Variants in LCA5L observed in about 807,000 individuals in gnomAD.
LCA5L encodes lebercilin LCA5 like.
In LCA5L, 35 loss-of-function variants were observed where a neutral mutation model predicts 45.4. The observed-to-expected ratio is 0.77, with a 90% CI of 0.59 to 1.02. The LOEUF is 1.02. Among genes scored for constraint, LCA5L ranks in the 50% least tolerant of loss-of-function variants. LCA5L has a pLI of 0.00. For synonymous variants in LCA5L, 233 were observed against 264.7 expected (o/e 0.88, Z 1.16); for missense variants, 668 against 761.6 (o/e 0.88, Z 1.45).
intron 2 of LCA5L, chr21:39,439,653 T>A (rs2076621481): frequency 6.6e-6 from 1 of 152,238 alleles, no homozygotes; most frequent in Non-Finnish European, 1.5e-5. Context: ...CTGGTGGGAT[T>A]GTTTGCTTTG....
chr21:39,406,359 G>C lies in LCA5L; in HGVS notation c.1536C>G (p.Pro512=), dbSNP rs142555845. The C allele has an allele frequency of 2.8e-4, 459 of 1,614,154 alleles. 5 individuals are homozygous for C. The African/African-American group carries it at 4.8e-3, about 17-fold the overall frequency. The change falls in exon 11 of 11, where the codon CCC becomes CCG. Residue 512 remains proline, a synonymous_variant. Transcript: ENST00000288350. ...TTTGTCTGAGGGGGCCTTTCGTGTA[G>C]GGAGCAGTGCCTTTGCCAAGTGTGT... The part of the protein sequence containing the change: ...VDDTLGKGTA[P]YTKGPLRQRR...
chr21:39,436,485 A>G (rs2076295463), intron 2 of LCA5L, among the ~76,000 whole-genome samples: 1 of 152,158 alleles, frequency 6.6e-6, no homozygotes, highest in South Asian at 2.1e-4. Context: ...GTAGGTAATT[A>G]CATACATATT....
intron 7 of LCA5L, among the ~76,000 whole-genome samples, chr21:39,413,685 T>C (rs2040502730): frequency 6.6e-6 from 1 of 152,212 alleles, no homozygotes; most frequent in Admixed American, 6.5e-5. Flanking sequence ...ATGCTGACAG[T>C]TCATCACCAT....
chr21:39,433,015 G>A (rs2075900570), intron 3 of LCA5L, among the ~76,000 whole-genome samples: 1 of 152,132 alleles, frequency 6.6e-6, no homozygotes, highest in Non-Finnish European at 1.5e-5. Flanking sequence ...TCAGATATAT[G>A]CTTTGCAAAC....
chr21:39,436,573 C>G (rs897344356), intron 2 of LCA5L, among the ~76,000 whole-genome samples: 1 of 152,176 alleles, frequency 6.6e-6, no homozygotes, highest in African/African-American at 2.4e-5. Flanking sequence ...TCTCGACCTC[C>G]TGGGCTCACG....
At chr21:39,433,054 C>G (rs1040587780) in intron 3 of LCA5L, among the ~76,000 whole-genome samples, 2 of 152,258 alleles carry the variant, frequency 1.3e-5, no homozygotes, top group Admixed American at 1.3e-4. Flanking sequence ...ATTTTTCATT[C>G]TCTTAAAAAT....
intron 6 of LCA5L, chr21:39,422,400 T>A (rs1671663189): frequency 6.6e-6 from 1 of 152,478 alleles, no homozygotes; most frequent in Non-Finnish European, 1.5e-5. Context: ...TTGAGGAAAA[T>A]CAATCCAGTC....
In LCA5L at chr21:39,423,059, T is replaced by C. The variant is rs140897767; in HGVS notation, c.754A>G (p.Lys252Glu). The C allele has an allele frequency of 6.2e-7, 1 of 1,614,038 alleles. No homozygotes were observed. The highest frequency in any genetic ancestry group is 1.3e-5 in the African/African-American group (1 of 74,954). Residue 252 changes from lysine (K) to glutamate (E), a missense_variant, in exon 6 of 11, where the codon AAA becomes GAA. Physicochemically the swap from Lys to Glu is moderately conservative, Grantham distance 56 (BLOSUM62 1). Coordinates refer to ENST00000288350, the MANE Select transcript of LCA5L (RefSeq NM_152505.4). ...AGTTCTTCCCTTTCTGCAAGGTTTT[T>C]GTCTTCAGAAAGTTTCTGCAGTGCC... Reference protein sequence around the residue: ...LQALQKLSEDKNLAEREELTH... With the variant: ...LQALQKLSEDENLAEREELTH...
At chr21:39,412,962 C>T (rs761690388) in intron 7 of LCA5L, among the ~76,000 whole-genome samples, 46 of 152,184 alleles carry the variant, frequency 3.0e-4, no homozygotes, top group Non-Finnish European at 4.9e-4. Context: ...GTTACAGATC[C>T]AGGTGCTCCC....
chr21:39,408,096 C>CT (rs1203398109), intron 10 of LCA5L, among the ~76,000 whole-genome samples: 1 of 152,262 alleles, frequency 6.6e-6, no homozygotes, highest in African/African-American at 2.4e-5. Flanking sequence ...CATGCATGTA[C>CT]TTTCCTCAGA....
intron 7 of LCA5L, among the ~76,000 whole-genome samples, chr21:39,418,025 C>T (rs1470274464): frequency 6.6e-6 from 1 of 152,194 alleles, no homozygotes; most frequent in Non-Finnish European, 1.5e-5. Flanking sequence ...CTTGGCCTCC[C>T]AAAGTGCTGG....
intron 5 of LCA5L, 94 bp from the exon 6 acceptor site, chr21:39,423,584 CA>C (rs2074105207): frequency 4.0e-6 from 4 of 989,426 alleles, no homozygotes. Flanking sequence ...CCCCCATGCA[CA>C]CACACCACAC....
At chr21:39,407,603 G>A (rs1228986811) in intron 10 of LCA5L, among the ~76,000 whole-genome samples, 3 of 152,170 alleles carry the variant, frequency 2.0e-5, no homozygotes, top group Non-Finnish European at 4.4e-5. Flanking sequence ...TGGAATTCCA[G>A]GCAGTTATTA....
In LCA5L at chr21:39,419,881, A is replaced by C. The variant is rs115329930; in HGVS notation, c.975+825T>G. On this transcript the variant is annotated intron_variant, in intron 7 of 10. Coordinates refer to ENST00000288350, the MANE Select transcript of LCA5L (RefSeq NM_152505.4). Reference sequence around the variant, plus strand: ...GCAGAAAGATAGCAAAAAGCCTGACAAAATATTTTAAAAATTCTTATTTTT... The same window carrying C: ...GCAGAAAGATAGCAAAAAGCCTGACCAAATATTTTAAAAATTCTTATTTTT... Among the ~76,000 whole-genome samples the C allele has an allele frequency of 4.2e-3, 643 of 152,352 alleles. 4 individuals are homozygous for C. The highest frequency in any genetic ancestry group is 0.015 in the African/African-American group (629 of 41,574).
At chr21:39,435,646 T>C (rs1190187500) in intron 2 of LCA5L, 73 bp from the exon 3 acceptor site, 1 of 152,224 alleles carries the variant, frequency 6.6e-6, no homozygotes, top group Non-Finnish European at 1.5e-5. Flanking sequence ...GAATAAGGTT[T>C]TGAAGCAGTT....
rs552214753 is a variant in LCA5L at position 39,424,296 on chromosome 21, G to A, written c.323-806C>T. On this transcript the variant is annotated intron_variant, in intron 5 of 10. Coordinates refer to ENST00000288350, the MANE Select transcript of LCA5L (RefSeq NM_152505.4). ...CCCAAAGTGCTGGGATTACAGGTGG[G>A]AGCCATTGTGCCCGGCCTCTACAAA... Among the ~76,000 whole-genome samples, 7 of 152,246 alleles carry A rather than the reference G, an allele frequency of 4.6e-5. No homozygotes were observed. The East Asian group carries it at 1.4e-3, about 29-fold the overall frequency.
chr21:39,419,829 T>C (rs1380246784), intron 7 of LCA5L, among the ~76,000 whole-genome samples: 2 of 152,214 alleles, frequency 1.3e-5, no homozygotes, highest in Non-Finnish European at 2.9e-5. Flanking sequence ...CTTATCTAAA[T>C]TGTTGGACAT....
rs144874024 is a variant in LCA5L at position 39,414,320 on chromosome 21, G to A, written c.976-2518C>T. 3 of 152,266 alleles carry A rather than the reference G, an allele frequency of 2.0e-5. No individual in the cohort carries two copies. The East Asian group carries it at 5.8e-4, about 29-fold the overall frequency. 9.4% of individuals were successfully genotyped at this position (152,266 alleles called of 1,614,324 possible). On this transcript the variant is annotated intron_variant, in intron 7 of 10. Coordinates refer to ENST00000288350, the MANE Select transcript of LCA5L (RefSeq NM_152505.4). Reference sequence around the variant, plus strand: ...GTGACCGTAGCCTGGGTGTAAGACGGGTGGCAGTACCTCACGTGGGAGCTG... The same window carrying A: ...GTGACCGTAGCCTGGGTGTAAGACGAGTGGCAGTACCTCACGTGGGAGCTG...
intron 6 of LCA5L, 75 bp downstream of exon 6, chr21:39,422,901 G>C (rs370045972): frequency 1.5e-6 from 2 of 1,307,884 alleles, no homozygotes; most frequent in Non-Finnish European, 2.1e-6. Context: ...CAGAGGGGGC[G>C]CATCCATGAT....
Sources: allele counts gnomAD v4.1 joint callset (sites outside exome capture counted in the v4.1 genomes callset), GRCh38; gene constraint gnomAD v4.1.1; transcripts MANE v1.5; gene names NCBI Gene and HGNC (gene_info 2026-07-23, HGNC 2026-07-21).